Variants in NFIB observed in about 807,000 individuals in gnomAD.
NFIB encodes nuclear factor I B.
NFIB carries 11 observed loss-of-function variants against 61.5 expected under a neutral mutation model. The observed-to-expected ratio is 0.18, with a 90% CI of 0.11 to 0.30. The LOEUF (loss-of-function observed/expected upper bound fraction) is 0.30, where lower values mean the gene tolerates loss of function less well. NFIB is among the 10% of genes least tolerant of loss of function. The probability of loss-of-function intolerance (pLI) is 1.00; values close to 1 mark genes in which losing one functional copy is unlikely to be tolerated. For missense variants in NFIB, 471 were observed against 608.9 expected, an observed-to-expected ratio of 0.77 and a Z score of 2.38; for synonymous variants, 260 against 216.5, an observed-to-expected ratio of 1.20 and a Z score of -1.76.
the NFIB span, among the ~76,000 whole-genome samples, chr9:14,407,455 G>T: frequency 6.6e-6 from 1 of 152,084 alleles, no homozygotes; most frequent in Non-Finnish European, 1.5e-5. Context: ...TACCGAACTG[G>T]GCATAGGTCT....
rs967546211 is a variant in NFIB at position 14,084,450 on chromosome 9, G to T, written c.*3859C>A. ...GGAGCTGCCCACCCGAACATTACCC[G>T]ATAACTATATTGCTATAATTAAGAT... On this transcript the variant is annotated 3_prime_UTR_variant, in exon 11 of 11. Transcript: ENST00000380953. 11 of 224,940 alleles carry T rather than the reference G, an allele frequency of 4.9e-5. No homozygotes were observed. Among genetic ancestry groups the T allele is most frequent in the South Asian group, 1.8e-4 (1 of 5,446 alleles). 13.9% of individuals were successfully genotyped at this position (224,940 alleles called of 1,614,324 possible). A position where few individuals can be genotyped will look rare whatever the true frequency, so the allele number is the denominator to read the frequency against.
Position 14,120,406 on chromosome 9 carries a change from T to C in NFIB, c.1245+34A>G, listed in dbSNP as rs2038768445. 1.2e-6 allele frequency: 2 copies of C among 1,602,450 alleles called. No individual in the cohort carries two copies. The highest frequency in any genetic ancestry group is 1.7e-5 in the Admixed American group (1 of 59,996). On this transcript the variant is annotated intron_variant, in intron 8 of 10. Coordinates refer to ENST00000380953, the MANE Select transcript of NFIB (RefSeq NM_001190737.2). The surrounding 1 kb of genome is among the most constrained non-coding windows in gnomAD (Gnocchi z 4.4). ...AGAATTAGATCTGTCCCATCTCCCT[T>C]AGGTGCTAATCTTATTTTCTCTCTT... is the stretch of plus-strand genomic sequence containing the variant.
intron 2 of NFIB, among the ~76,000 whole-genome samples, chr9:14,209,284 C>T (rs2050069564): frequency 6.6e-6 from 1 of 152,188 alleles, no homozygotes; most frequent in South Asian, 2.1e-4. Flanking sequence ...AATTGCACTA[C>T]TGGTAACTTT....
At chr9:14,518,611 C>G in the NFIB span, among the ~76,000 whole-genome samples, 1 of 151,758 alleles carries the variant, frequency 6.6e-6, no homozygotes, top group Non-Finnish European at 1.5e-5. Flanking sequence ...CTCCTAACAC[C>G]ACTACTTTTG....
At chr9:14,228,380 G>T (rs1162052101) in intron 2 of NFIB, among the ~76,000 whole-genome samples, 1 of 151,888 alleles carries the variant, frequency 6.6e-6, no homozygotes, top group Admixed American at 6.6e-5. Context: ...ATGTTTAGTA[G>T]AGATAAGGTT....
At chr9:14,373,559 T>C (rs1408855676) in intron 1 of NFIB, among the ~76,000 whole-genome samples, 1 of 152,108 alleles carries the variant, frequency 6.6e-6, no homozygotes, top group Non-Finnish European at 1.5e-5. Context: ...AAATATGTCA[T>C]TACATGCTCC....
chr9:14,196,872 G>T (rs931951373), intron 2 of NFIB, among the ~76,000 whole-genome samples: 1 of 152,064 alleles, frequency 6.6e-6, no homozygotes, highest in Admixed American at 6.6e-5. Context: ...TTGTCAAATC[G>T]TATGGAATTC....
At chr9:14,119,927 C>A (rs2038711213) in intron 8 of NFIB, among the ~76,000 whole-genome samples, 1 of 152,174 alleles carries the variant, frequency 6.6e-6, no homozygotes, top group Non-Finnish European at 1.5e-5. Flanking sequence ...TAATGTCACT[C>A]ATTATTAAAT....
rs565603206 is a variant in NFIB, at chr9:14,299,987, C to G, written c.562+7002G>C. The stretch of plus-strand genomic sequence containing the variant: ...CCAACCATTCAAGTCCTATTAGTCT[C>G]ACTCTAACGTTCAATCTAATACAAG... On this transcript the variant is annotated intron_variant, in intron 2 of 10. Coordinates refer to ENST00000380953, the MANE Select transcript of NFIB (RefSeq NM_001190737.2). Among the ~76,000 whole-genome samples the G allele has an allele frequency of 2.0e-5, 3 of 152,310 alleles. No individual in the cohort carries two copies. The South Asian group carries it at 6.2e-4, about 32-fold the overall frequency.
chr9:14,318,640 C>A (rs2060596428), upstream of NFIB, among the ~76,000 whole-genome samples: 1 of 150,894 alleles, frequency 6.6e-6, no homozygotes, highest in Non-Finnish European at 1.5e-5. Context: ...GACCTCCTGA[C>A]CCCAGAAAGC....
intron 4 of NFIB, among the ~76,000 whole-genome samples, chr9:14,155,481 T>G (rs149151130): frequency 6.6e-6 from 1 of 152,180 alleles, no homozygotes; most frequent in Non-Finnish European, 1.5e-5. Context: ...AGGAAACTTA[T>G]GTGGGTTATC....
intron 7 of NFIB, among the ~76,000 whole-genome samples, chr9:14,121,183 G>A (rs1270953316): frequency 2.0e-5 from 3 of 152,318 alleles, no homozygotes; most frequent in East Asian, 3.9e-4. Flanking sequence ...AGAATCACTT[G>A]AATCCAGTAG....
chr9:14,322,441 C>G (rs2060685483), intron 1 of NFIB: 1 of 232,010 alleles, frequency 4.3e-6, no homozygotes, highest in Admixed American at 5.6e-5. Context: ...CGCGATCGCC[C>G]CTTCCCCGCC....
chr9:14,183,763 C>T (rs1563875790), intron 2 of NFIB, among the ~76,000 whole-genome samples: 1 of 152,108 alleles, frequency 6.6e-6, no homozygotes, highest in East Asian at 1.9e-4. Context: ...TGGAGGCAGC[C>T]AACCAAAACC....
intron 1 of NFIB, among the ~76,000 whole-genome samples, chr9:14,341,065 A>G (rs1344082645): frequency 6.6e-6 from 1 of 152,232 alleles, no homozygotes; most frequent in Non-Finnish European, 1.5e-5. Context: ...AAGACAAGAT[A>G]AAGAAACACA....
the NFIB span, among the ~76,000 whole-genome samples, chr9:14,418,661 C>T: frequency 6.6e-6 from 1 of 152,130 alleles, no homozygotes; most frequent in Non-Finnish European, 1.5e-5. Flanking sequence ...CAGGAGAGCT[C>T]TCATATGAAG....
intron 2 of NFIB, among the ~76,000 whole-genome samples, chr9:14,206,477 A>G (rs1274748990): frequency 1.3e-5 from 2 of 150,712 alleles, no homozygotes; most frequent in African/African-American, 4.9e-5. Flanking sequence ...CCTTACTAAC[A>G]CTCTTAAAAC....
chr9:14,145,677 G>T (rs2042202414), intron 6 of NFIB, among the ~76,000 whole-genome samples: 1 of 146,242 alleles, frequency 6.8e-6, no homozygotes. Flanking sequence ...TTGAGACAGG[G>T]TCTCACTCTG....
chr9:14,320,277 A>C (rs2060631619), intron 1 of NFIB, among the ~76,000 whole-genome samples: 1 of 152,240 alleles, frequency 6.6e-6, no homozygotes, highest in African/African-American at 2.4e-5. Context: ...GGGCCAGTAA[A>C]AACGTTTTCC....
Sources: allele counts gnomAD v4.1 joint callset (sites outside exome capture counted in the v4.1 genomes callset), GRCh38; gene constraint gnomAD v4.1.1; non-coding constraint Gnocchi (gnomAD v3.1); transcripts MANE v1.5; gene names NCBI Gene and HGNC (gene_info 2026-07-23, HGNC 2026-07-21).